The following RARS2 variants were observed in gnomAD, a reference collection of about 807,000 sequenced individuals.
RARS2 encodes arginyl-tRNA synthetase 2, mitochondrial, also known as probable arginine--tRNA ligase, mitochondrial.
Under a neutral mutation model 88.5 loss-of-function variants are expected in RARS2, and 67 were observed. That is an observed-to-expected ratio of 0.76 (90% confidence interval 0.62 to 0.93). RARS2 has a LOEUF of 0.93. Ranked by LOEUF, RARS2 falls within the 40% of genes least tolerant of loss-of-function variation. The probability of loss-of-function intolerance (pLI) is 0.00; values close to 1 mark genes in which losing one functional copy is unlikely to be tolerated. For missense variants in RARS2, 664 were observed against 684.2 expected (o/e 0.97, Z 0.33); for synonymous variants, 239 against 230.3 (o/e 1.04, Z -0.34).
intron 8 of RARS2, among the ~76,000 whole-genome samples, chr6:87,536,631 C>A (rs1468666628): frequency 7.1e-6 from 1 of 141,240 alleles, no homozygotes; most frequent in East Asian, 2.0e-4. Context: ...GGCAAGACCC[C>A]ATCACGAAAA....
intron 7 of RARS2, among the ~76,000 whole-genome samples, chr6:87,543,058 T>C (rs1049590703): frequency 1.6e-4 from 25 of 152,050 alleles, no homozygotes; most frequent in Non-Finnish European, 2.2e-4. Context: ...TCCCAGCACA[T>C]TGGGAGGCCA....
Position 87,540,439 on chromosome 6 carries a change from G to T in RARS2, c.612+1479C>A, listed in dbSNP as rs1780543643. 2.9e-5 allele frequency among the ~76,000 whole-genome samples: 3 copies of T among 104,676 alleles called. 1 individual carries two copies. The highest frequency in any genetic ancestry group is 6.9e-4 in the South Asian group (2 of 2,910). 68.7% of individuals were successfully genotyped at this position (104,676 alleles called of 152,430 possible). On this transcript the variant is annotated intron_variant, in intron 8 of 19. Transcript: ENST00000369536. Reference sequence around the variant, plus strand: ...CACTTCAGCCTAGGCAACAGTGTGAGACTCCTCAAAAAAAAAAAAAAAAAA... The same window carrying T: ...CACTTCAGCCTAGGCAACAGTGTGATACTCCTCAAAAAAAAAAAAAAAAAA...
intron 7 of RARS2, 130 bp downstream of exon 7, chr6:87,545,484 GGA>G: frequency 3.7e-6 from 4 of 1,067,260 alleles, no homozygotes; most frequent in Non-Finnish European, 4.0e-6. Context: ...GAGCCATTAG[GGA>G]AAAAAAAAAA....
At chr6:87,555,117 A>AAATG (rs1315041338) in intron 5 of RARS2, among the ~76,000 whole-genome samples, 2 of 147,768 alleles carry the variant, frequency 1.4e-5, no homozygotes. Flanking sequence ...ATAAATAAAT[A>AAATG]AATAAATAAA....
intron 1 of RARS2, among the ~76,000 whole-genome samples, chr6:87,579,179 G>A (rs1772586904): frequency 6.6e-6 from 1 of 152,010 alleles, no homozygotes; most frequent in Non-Finnish European, 1.5e-5. Flanking sequence ...GTCTTCCATG[G>A]TCAATGTTCT....
chr6:87,535,676 G>GTTT (rs10710147), intron 8 of RARS2, among the ~76,000 whole-genome samples: 3 of 111,392 alleles, frequency 2.7e-5, no homozygotes, highest in Non-Finnish European at 5.3e-5. Context: ...TAACTGTTTT[G>GTTT]TTTTTTTTTT....
Position 87,588,366 on chromosome 6 carries a change from TTTTTTA to T in RARS2, c.36+1550_36+1555del, listed in dbSNP as rs554743276. Among the ~76,000 whole-genome samples the T allele has an allele frequency of 9.0e-4, 137 of 152,178 alleles. No individual in the cohort carries two copies. In the South Asian group the frequency reaches 9.1e-3, roughly 10 times the overall value. ...ATGAGAAATCTATTAGCTTTTCACG[TTTTTTA>T]TTTTTATTTTTTGTTTACAGGGTCT... On this transcript the variant is annotated intron_variant, in intron 1 of 19. Coordinates refer to ENST00000369536, the MANE Select transcript of RARS2 (RefSeq NM_020320.5).
At chr6:87,523,335 C>G (rs1774592200) in intron 11 of RARS2, among the ~76,000 whole-genome samples, 1 of 152,146 alleles carries the variant, frequency 6.6e-6, no homozygotes, top group Admixed American at 6.5e-5. Context: ...GGTCTCCAGC[C>G]TCACACTCTG....
At position 87,573,573 on chromosome 6, in the gene RARS2, C is replaced by T. The variant is rs116805182; in HGVS notation, c.37-3983G>A. Among the ~76,000 whole-genome samples the T allele has an allele frequency of 9.8e-3, 1,492 of 152,096 alleles. 19 individuals carry two copies. The highest frequency in any genetic ancestry group is 0.034 in the African/African-American group (1,404 of 41,472). On this transcript the variant is annotated intron_variant, in intron 1 of 19. Coordinates refer to ENST00000369536, the MANE Select transcript of RARS2 (RefSeq NM_020320.5). Reference sequence around the variant, plus strand: ...TAGTTGTGCAAGATGAAAACTGTTCCGCAGACGGATGGTGGTGATGGTTGC... The same window carrying T: ...TAGTTGTGCAAGATGAAAACTGTTCTGCAGACGGATGGTGGTGATGGTTGC...
intron 7 of RARS2, among the ~76,000 whole-genome samples, chr6:87,542,649 T>TAAAAA (rs201517971): frequency 5.4e-5 from 6 of 111,842 alleles, no homozygotes; most frequent in Non-Finnish European, 9.4e-5. Flanking sequence ...AATTTGAACC[T>TAAAAA]AAAAAAAAAA....
intron 4 of RARS2, among the ~76,000 whole-genome samples, chr6:87,562,455 G>A (rs576194989): frequency 1.3e-5 from 2 of 152,266 alleles, no homozygotes; most frequent in South Asian, 4.1e-4. Flanking sequence ...TCATTATGTG[G>A]TATATGACTA....
intron 8 of RARS2, among the ~76,000 whole-genome samples, chr6:87,531,240 C>T (rs1777440944): frequency 1.3e-5 from 2 of 152,120 alleles, no homozygotes; most frequent in Admixed American, 6.6e-5. Context: ...GAGGAAAATA[C>T]TCAATTTCCG....
intron 1 of RARS2, among the ~76,000 whole-genome samples, chr6:87,578,113 CCCCCCG>C (rs1562260967): frequency 6.7e-6 from 1 of 148,692 alleles, no homozygotes; most frequent in Non-Finnish European, 1.5e-5. Context: ...CGAGACCCCC[CCCCCCG>C]CCATCTCTAT....
At chr6:87,538,347 T>C (rs568795318) in intron 8 of RARS2, among the ~76,000 whole-genome samples, 1 of 152,348 alleles carries the variant, frequency 6.6e-6, no homozygotes, top group African/African-American at 2.4e-5. Context: ...TTCGACTTTT[T>C]AGTTATTCAC....
chr6:87,555,409 T>C lies in RARS2; in HGVS notation c.394A>G (p.Ser132Gly), dbSNP rs978723586. The stretch of plus-strand genomic sequence containing the variant: ...CACATAAAAGGGGTGCACCCTCACC[T>C]GAATTCAACCACAATCTTCTTCTGG... ...LPQKKIVVEF[S>G]SPNVAKKFHV... Residue 132 changes from serine to glycine, a missense_variant and splice_region_variant, in exon 5 of 20, where the codon AGT (serine) becomes GGT (glycine). Coordinates refer to ENST00000369536, the MANE Select transcript of RARS2 (RefSeq NM_020320.5). 10 of 1,612,712 alleles carry C rather than the reference T, an allele frequency of 6.2e-6. No homozygotes were observed. In the Admixed American group the frequency reaches 1.0e-4, roughly 16 times the overall value.
chr6:87,529,595 T>C lies in RARS2; in HGVS notation c.825A>G (p.Lys275=). The change falls in exon 10 of 20, where the codon AAA becomes AAG. Residue 275 remains lysine (K), a synonymous_variant. Coordinates refer to ENST00000369536, the MANE Select transcript of RARS2 (RefSeq NM_020320.5). The part of the protein sequence containing the change: ...EYSGESFYRE[K]SQEVLKLLES... ...CCAGCAACTTTAAGACCTCTTGAGATTTTTCACGATAAAATGATTCTCCTG... is the reference window on the plus strand; with the variant it reads ...CCAGCAACTTTAAGACCTCTTGAGACTTTTCACGATAAAATGATTCTCCTG... 6.2e-7 allele frequency: 1 copy of C among 1,610,112 alleles called. No individual in the cohort carries two copies. The highest frequency in any genetic ancestry group is 8.5e-7 in the Non-Finnish European group (1 of 1,176,328).
At position 87,518,729 on chromosome 6, in the gene RARS2, C is replaced by T. The variant is rs1158604420; in HGVS notation, c.1316G>A (p.Gly439Asp). The T allele has an allele frequency of 6.2e-7, 1 of 1,613,814 alleles. No individual in the cohort carries two copies. Among genetic ancestry groups the T allele is most frequent in the African/African-American group, 1.3e-5 (1 of 74,896 alleles). Residue 439 changes from glycine to aspartate, a missense_variant, in exon 16 of 20, where the codon GGT becomes GAT. Coordinates refer to ENST00000369536, the MANE Select transcript of RARS2 (RefSeq NM_020320.5). ...LAALIIQDFK[G>D]LLLSDYKFSW... Reference sequence around the variant, plus strand: ...GAACTTGTAGTCAGATAAGAGTAAACCTTTGAAGTCCTAAAACGACAGAGG... The same window carrying T: ...GAACTTGTAGTCAGATAAGAGTAAATCTTTGAAGTCCTAAAACGACAGAGG...
intron 8 of RARS2, among the ~76,000 whole-genome samples, chr6:87,541,048 G>A (rs1301835354): frequency 8.2e-5 from 12 of 146,698 alleles, no homozygotes; most frequent in Non-Finnish European, 1.3e-4. Context: ...AAATTTCTGT[G>A]TCGAATAATT....
chr6:87,519,060 C>T lies in RARS2; in HGVS notation c.1238-169G>A, dbSNP rs75073228. ...TTTTACCTTTGATAATGACATTTCC[C>T]CTGCCTACATTAAAGGGAAAGAAAT... On this transcript the variant is annotated intron_variant, in intron 14 of 19. Transcript: ENST00000369536. 61 of 685,634 alleles carry T rather than the reference C, an allele frequency of 8.9e-5. No individual in the cohort carries two copies. The East Asian group carries it at 1.6e-3, about 18-fold the overall frequency. The allele number at this position is 685,634 out of a possible 1,614,324, so 42.5% of individuals were successfully genotyped here. A position where few individuals can be genotyped will look rare whatever the true frequency, so the allele number is the denominator to read the frequency against.
Sources: allele counts gnomAD v4.1 joint callset (sites outside exome capture counted in the v4.1 genomes callset), GRCh38; gene constraint gnomAD v4.1.1; transcripts MANE v1.5; gene names NCBI Gene and HGNC (gene_info 2026-07-23, HGNC 2026-07-21).